Variants in XYLT1 observed in about 807,000 individuals in gnomAD.
XYLT1 encodes xylosyltransferase 1.
XYLT1 carries 36 observed loss-of-function variants against 91.3 expected under a neutral mutation model. The ratio of observed to expected loss-of-function variants is 0.39; its 90% confidence interval spans 0.30 to 0.52. XYLT1 has a LOEUF of 0.52. Among genes scored for constraint, XYLT1 ranks in the 20% least tolerant of loss-of-function variants. XYLT1 has a pLI of 0.68. For missense variants in XYLT1, 1,242 were observed against 1,284.5 expected, an observed-to-expected ratio of 0.97 and a Z score of 0.51; for synonymous variants, 588 against 532.0, an observed-to-expected ratio of 1.11 and a Z score of -1.45.
At chr16:17,182,373 G>C (rs1384116525) in intron 5 of XYLT1, among the ~76,000 whole-genome samples, 2 of 152,198 alleles carry the variant, frequency 1.3e-5, no homozygotes. Flanking sequence ...TTACATGGCA[G>C]AGAAAGAGAG....
chr16:17,179,171 G>A (rs144216123), intron 5 of XYLT1, among the ~76,000 whole-genome samples: 2 of 152,146 alleles, frequency 1.3e-5, no homozygotes, highest in Admixed American at 6.5e-5. Flanking sequence ...CGCTTGTAAG[G>A]GGGAGCTAAA....
chr16:17,141,489 G>C, intron 6 of XYLT1, 120 bp from the exon 7 acceptor site: 1 of 932,820 alleles, frequency 1.1e-6, no homozygotes, highest in Non-Finnish European at 1.6e-6. Flanking sequence ...CCTGCTGTGT[G>C]CCAGGTACTG....
chr16:17,372,561 C>T (rs1483686265), intron 1 of XYLT1, among the ~76,000 whole-genome samples: 8 of 152,202 alleles, frequency 5.3e-5, no homozygotes, highest in African/African-American at 1.7e-4. Flanking sequence ...AATGGTAAGG[C>T]CTGTCGAATT....
At chr16:17,161,006 C>T (rs1047168419) in intron 5 of XYLT1, among the ~76,000 whole-genome samples, 6 of 152,100 alleles carry the variant, frequency 3.9e-5, no homozygotes, top group Admixed American at 1.3e-4. Flanking sequence ...AATGGGTCCC[C>T]GGCAGTTGGA....
rs929542005 is a variant in XYLT1, at chr16:17,466,372, C to A, written c.363+4062G>T. On this transcript the variant is annotated intron_variant, in intron 1 of 11. Coordinates refer to ENST00000261381, the MANE Select transcript of XYLT1 (RefSeq NM_022166.4). ...TTATGGATCATAAACAGCTCTGGAG[C>A]GGGGTGTGGGGGGCAGACTCTTATG... Among the ~76,000 whole-genome samples, 10 of 152,060 alleles carry A rather than the reference C, an allele frequency of 6.6e-5. 1 individual carries two copies. Among genetic ancestry groups the A allele is most frequent in the Admixed American group, 6.6e-4 (10 of 15,250 alleles).
Position 17,141,232 on chromosome 16 carries a change from A to G in XYLT1, c.1508T>C (p.Val503Ala). 6.2e-7 allele frequency: 1 copy of G among 1,614,224 alleles called. No individual in the cohort carries two copies. Among genetic ancestry groups the G allele is most frequent in the Non-Finnish European group, 8.5e-7 (1 of 1,180,038 alleles). The part of the protein sequence containing the change: ...SDWFLLNRRF[V>A]EYVTFSTDDL... ...GTCTGTGGAGAAGGTCACATATTCT[A>G]CAAACCTCCGGTTCAGCAGGAACCA... is the stretch of plus-strand genomic sequence containing the variant. Residue 503 changes from valine (V) to alanine (A), a missense_variant, in exon 7 of 12, where the codon GTA becomes GCA. Physicochemically the swap from Val to Ala is moderately conservative, Grantham distance 64 (BLOSUM62 0). Transcript: ENST00000261381.
intron 1 of XYLT1, among the ~76,000 whole-genome samples, chr16:17,379,728 ATCTCTCTCTCTC>A (rs71137986): frequency 1.6e-5 from 2 of 125,818 alleles, no homozygotes; most frequent in African/African-American, 3.3e-5. Context: ...AATGAAGGAT[ATCTCTCTCTCTC>A]TCTCTCTCTC....
At chr16:17,467,998 T>C (rs904760654) in intron 1 of XYLT1, among the ~76,000 whole-genome samples, 2 of 152,244 alleles carry the variant, frequency 1.3e-5, no homozygotes, top group African/African-American at 4.8e-5. Flanking sequence ...AGCATCATCC[T>C]GGCAGCCTCC....
At chr16:17,236,042 T>C (rs577932420) in intron 3 of XYLT1, among the ~76,000 whole-genome samples, 1 of 152,240 alleles carries the variant, frequency 6.6e-6, no homozygotes, top group Admixed American at 6.5e-5. Flanking sequence ...AATTTTTGTA[T>C]TTTTAGTAGA....
chr16:17,383,747 A>ATTTTTTTTTT (rs1596516398), intron 1 of XYLT1, among the ~76,000 whole-genome samples: 1 of 106,698 alleles, frequency 9.4e-6, no homozygotes, highest in Non-Finnish European at 2.3e-5. Context: ...CCAAAGTGGA[A>ATTTTTTTTTT]TTTTCTTTTT....
At chr16:17,210,456 A>C (rs2032736171) in intron 3 of XYLT1, among the ~76,000 whole-genome samples, 2 of 152,224 alleles carry the variant, frequency 1.3e-5, no homozygotes, top group Admixed American at 6.5e-5. Context: ...GCACGCCTAT[A>C]ATCCCAGCTA....
At chr16:17,120,756 A>G (rs1196526219) in intron 10 of XYLT1, among the ~76,000 whole-genome samples, 1 of 152,086 alleles carries the variant, frequency 6.6e-6, no homozygotes, top group East Asian at 1.9e-4. Flanking sequence ...GCTCACCAAT[A>G]TGTCTCTAGT....
At chr16:17,296,291 G>T (rs2034309354) in intron 2 of XYLT1, among the ~76,000 whole-genome samples, 1 of 152,202 alleles carries the variant, frequency 6.6e-6, no homozygotes, top group Admixed American at 6.5e-5. Context: ...GGGTACCACA[G>T]GAGGCAGGCT....
chr16:17,340,805 T>G (rs1038973348), intron 2 of XYLT1, among the ~76,000 whole-genome samples: 27 of 152,192 alleles, frequency 1.8e-4, no homozygotes, highest in African/African-American at 6.5e-4. Context: ...TCAACAATTT[T>G]TAGCCATCAT....
At chr16:17,187,791 TA>T (rs903427689) in intron 5 of XYLT1, among the ~76,000 whole-genome samples, 4 of 150,790 alleles carry the variant, frequency 2.7e-5, no homozygotes, top group African/African-American at 4.9e-5. Context: ...TTTATCACTT[TA>T]AAAAAAAAGA....
chr16:17,110,410 G>T (rs1290969935), intron 11 of XYLT1, among the ~76,000 whole-genome samples: 14 of 152,148 alleles, frequency 9.2e-5, no homozygotes, highest in Non-Finnish European at 2.9e-5. Flanking sequence ...TTGTGATAGT[G>T]AATAAGTAAG....
chr16:17,368,560 TAG>T (rs10569097), intron 1 of XYLT1, among the ~76,000 whole-genome samples: 39,957 of 141,160 alleles, frequency 0.28, 5,791 homozygotes, highest in Non-Finnish European at 0.33. Context: ...ACTGGATAGA[TAG>T]ATTTTTTTTT....
chr16:17,228,305 C>T (rs955334287), intron 3 of XYLT1, among the ~76,000 whole-genome samples: 2 of 152,342 alleles, frequency 1.3e-5, no homozygotes, highest in African/African-American at 4.8e-5. Flanking sequence ...TAATCCCCTG[C>T]ACATTTCATA....
At chr16:17,225,268 T>C (rs1333572535) in intron 3 of XYLT1, among the ~76,000 whole-genome samples, 1 of 152,084 alleles carries the variant, frequency 6.6e-6, no homozygotes, top group East Asian at 1.9e-4. Context: ...TTAATCCCAG[T>C]CTCCATGGGC....
Sources: gnomAD v4.1 joint callset for allele counts (sites outside exome capture counted in the v4.1 genomes callset) on GRCh38, gnomAD v4.1.1 for gene constraint, MANE v1.5 for transcripts, NCBI Gene and HGNC (gene_info 2026-07-23, HGNC 2026-07-21) for gene names.